The following CCDC57 variants were observed in gnomAD, a reference collection of about 807,000 sequenced individuals.
CCDC57 encodes coiled-coil domain-containing protein 57.
Under a neutral mutation model 118.9 loss-of-function variants are expected in CCDC57, and 118 were observed. The ratio of observed to expected loss-of-function variants is 0.99; its 90% CI spans 0.86 to 1.16. The LOEUF (loss-of-function observed/expected upper bound fraction) is 1.16, where lower values mean the gene tolerates loss of function less well. Among genes scored for constraint, CCDC57 ranks in the 50% most tolerant of loss-of-function variants. CCDC57 has a pLI of 0.00. For synonymous variants in CCDC57, 527 were observed against 532.9 expected, an observed-to-expected ratio of 0.99 and a Z score of 0.15; for missense variants, 1,300 against 1,320.7, an observed-to-expected ratio of 0.98 and a Z score of 0.24.
At chr17:82,131,571 T>C (rs918238460) in intron 17 of CCDC57, among the ~76,000 whole-genome samples, 7 of 151,886 alleles carry the variant, frequency 4.6e-5, no homozygotes, top group Admixed American at 3.3e-4. Flanking sequence ...TGAAACCCTG[T>C]CTCTATTAAA....
rs201724942 is a variant in CCDC57, at chr17:82,171,691, G to A, written c.1882+10C>T. 6.5e-5 allele frequency: 104 copies of A among 1,607,234 alleles called. No homozygotes were observed. Among genetic ancestry groups the A allele is most frequent in the Non-Finnish European group, 8.1e-5 (95 of 1,174,334 alleles). ...GGGACAGCAAGTACCCCACTGAGAC[G>A]CGGACTTACCAGTCGTCTCTGTCGA... On this transcript the variant is annotated intron_variant, in intron 13 of 19. Coordinates refer to ENST00000665763, the Ensembl canonical transcript of CCDC57.
At chr17:82,148,231 T>G (rs1598906158) in intron 16 of CCDC57, among the ~76,000 whole-genome samples, 1 of 142,016 alleles carries the variant, frequency 7.0e-6, no homozygotes, top group African/African-American at 2.7e-5. Context: ...GATGGGTGGG[T>G]GGGTAGATGG....
intron 19 of CCDC57, chr17:82,112,217 G>A: frequency 6.6e-6 from 1 of 152,188 alleles, no homozygotes; most frequent in South Asian, 2.1e-4. Flanking sequence ...CAGGTGATCT[G>A]CCCACCTCGG....
intron 16 of CCDC57, 180 bp from the exon 16 acceptor site, chr17:82,134,374 A>C (rs2145415198): frequency 2.1e-6 from 1 of 482,748 alleles, no homozygotes; most frequent in Admixed American, 4.4e-5. Flanking sequence ...GCATTTCGGT[A>C]GAGCTCTTGC....
At chr17:82,124,531 G>A (rs1313530977) in intron 19 of CCDC57, among the ~76,000 whole-genome samples, 1 of 152,166 alleles carries the variant, frequency 6.6e-6, no homozygotes, top group African/African-American at 2.4e-5. Context: ...GGTGGCTCAT[G>A]CCCGTAATCC....
chr17:82,119,640 C>T (rs907929323), intron 19 of CCDC57, among the ~76,000 whole-genome samples: 5 of 151,928 alleles, frequency 3.3e-5, no homozygotes, highest in Admixed American at 6.6e-5. Context: ...AAGGAGGGTG[C>T]CTGCAGGTGC....
intron 5 of CCDC57, 41 bp from the exon 5 acceptor site, chr17:82,194,180 AG>A: frequency 6.3e-7 from 1 of 1,590,384 alleles, no homozygotes; most frequent in South Asian, 1.1e-5. Flanking sequence ...GGTGATAATT[AG>A]AAGACACTGA....
chr17:82,134,182 T>G (rs2038833666), exon 17 of CCDC57: 2 of 1,325,632 alleles, frequency 1.5e-6, no homozygotes, highest in Non-Finnish European at 1.9e-6. Context: ...GAGGGCGTGG[T>G]GCAACAGCCA....
At chr17:82,146,211 C>A (rs1339161868) in intron 16 of CCDC57, among the ~76,000 whole-genome samples, 1 of 152,136 alleles carries the variant, frequency 6.6e-6, no homozygotes, top group Non-Finnish European at 1.5e-5. Flanking sequence ...GGCTGTCCCA[C>A]GTTGAATAAT....
Position 82,184,031 on chromosome 17 carries a change from G to GCGCGCGCACACA in CCDC57, c.1053-100_1053-99insTGTGTGCGCGCG. 291 of 131,830 alleles carry GCGCGCGCACACA rather than the reference G, an allele frequency of 2.2e-3. 1 individual carries two copies. The highest frequency in any genetic ancestry group is 3.2e-3 in the Non-Finnish European group (215 of 67,624). The allele number at this position is 131,830 out of a possible 1,614,324, so 8.2% of individuals were successfully genotyped here. ...CAAATACACATGCGCGCGCGCGCGCGCACACACACACACACACACACACAC... is the reference window on the plus strand; with the variant it reads ...CAAATACACATGCGCGCGCGCGCGCGCGCGCGCACACACACACACACACACACACACACACAC... On this transcript the variant is annotated intron_variant, in intron 8 of 19. Coordinates refer to ENST00000665763, the Ensembl canonical transcript of CCDC57.
At chr17:82,185,292 C>T (rs2046794789) in intron 8 of CCDC57, 1 of 152,132 alleles carries the variant, frequency 6.6e-6, no homozygotes, top group South Asian at 2.1e-4. Context: ...GCTTTCCAGT[C>T]TTCTCTTTCT....
intron 19 of CCDC57, among the ~76,000 whole-genome samples, chr17:82,114,234 C>T (rs1005078308): frequency 6.6e-6 from 1 of 152,170 alleles, no homozygotes; most frequent in African/African-American, 2.4e-5. Flanking sequence ...GGGGCCATCC[C>T]GACCTGCTCT....
At chr17:82,134,361 A>AC in intron 16 of CCDC57, 167 bp from the exon 16 acceptor site, 1 of 536,714 alleles carries the variant, frequency 1.9e-6, no homozygotes, top group Non-Finnish European at 2.8e-6. Flanking sequence ...ACTGTGACAC[A>AC]CAGCATTTCG....
rs1356371659 is a variant in CCDC57 at position 82,206,026 on chromosome 17, C to T, written c.-9+1821G>A. Reference sequence around the variant, plus strand: ...CAGCATCTGGACGCAATCTGCCTGTCGGCCAGCAGGCGTCCCCAGCAAGCA... The same window carrying T: ...CAGCATCTGGACGCAATCTGCCTGTTGGCCAGCAGGCGTCCCCAGCAAGCA... On this transcript the variant is annotated intron_variant, in intron 2 of 19. Transcript: ENST00000665763. Among the ~76,000 whole-genome samples, 4 of 152,112 alleles carry T rather than the reference C, an allele frequency of 2.6e-5. No individual in the cohort carries two copies. The East Asian group carries it at 7.8e-4, about 30-fold the overall frequency.
chr17:82,157,314 G>A (rs1343917576), intron 15 of CCDC57: 2 of 379,394 alleles, frequency 5.3e-6, no homozygotes, highest in African/African-American at 4.3e-5. Context: ...CAGCAGTGAG[G>A]GCCATGTGGG....
chr17:82,135,847 T>A (rs1372775949), intron 16 of CCDC57, among the ~76,000 whole-genome samples: 1 of 152,066 alleles, frequency 6.6e-6, no homozygotes, highest in Non-Finnish European at 1.5e-5. Flanking sequence ...ATCCTTGATG[T>A]CAGGTGTTGG....
intron 19 of CCDC57, among the ~76,000 whole-genome samples, chr17:82,125,435 G>A (rs973639176): frequency 4.6e-5 from 7 of 151,840 alleles, no homozygotes; most frequent in African/African-American, 1.7e-4. Context: ...GAGTGCAGTG[G>A]TACAATCTCA....
chr17:82,151,851 C>G (rs758360090), intron 15 of CCDC57, 78 bp from the exon 15 acceptor site: 14 of 1,234,730 alleles, frequency 1.1e-5, no homozygotes, highest in Non-Finnish European at 1.3e-5. Context: ...ACCCAAGGAG[C>G]CTCTTCACCT....
At chr17:82,132,172 G>A (rs914196632) in intron 17 of CCDC57, among the ~76,000 whole-genome samples, 1 of 150,352 alleles carries the variant, frequency 6.7e-6, no homozygotes, top group Non-Finnish European at 1.5e-5. Flanking sequence ...AGAAAATTTT[G>A]TAAAGGAACA....
Sources: gnomAD v4.1 joint callset for allele counts (sites outside exome capture counted in the v4.1 genomes callset) on GRCh38, gnomAD v4.1.1 for gene constraint, MANE v1.5 for transcripts, NCBI Gene and HGNC (gene_info 2026-07-23, HGNC 2026-07-21) for gene names.